HMGCLL1: variants seen among roughly 807,000 people sequenced by gnomAD.
The protein encoded by HMGCLL1 is 3-hydroxy-3-methylglutaryl-CoA lyase like 1, also known as 3-hydroxymethyl-3-methylglutaryl-CoA lyase, cytoplasmic.
A neutral mutation model predicts 39.1 loss-of-function variants in HMGCLL1; 36 were observed. That is an observed-to-expected ratio of 0.92 (90% CI 0.71 to 1.22). The LOEUF is 1.22. HMGCLL1 is among the 50% of genes most tolerant of loss of function. The probability of loss-of-function intolerance (pLI) is 0.00; values close to 1 mark genes in which losing one functional copy is unlikely to be tolerated. For synonymous variants in HMGCLL1, 149 were observed against 144.0 expected, an observed-to-expected ratio of 1.03 and a Z score of -0.25; for missense variants, 451 against 416.5, an observed-to-expected ratio of 1.08 and a Z score of -0.72.
the HMGCLL1 span, among the ~76,000 whole-genome samples, chr6:55,633,821 T>C: frequency 6.6e-6 from 1 of 151,996 alleles, no homozygotes; most frequent in Non-Finnish European, 1.5e-5. Flanking sequence ...AATACTTAAA[T>C]GATATGTTGC....
chr6:55,600,178 AAAAAGGCCTCC>A, the HMGCLL1 span, among the ~76,000 whole-genome samples: 2 of 152,126 alleles, frequency 1.3e-5, no homozygotes, highest in Non-Finnish European at 2.9e-5. Flanking sequence ...CACTTCTGAA[AAAAAGGCCTCC>A]AAAATTATTG....
At chr6:55,543,215 T>TTA (rs552337857) in intron 1 of HMGCLL1, among the ~76,000 whole-genome samples, 240 of 16,054 alleles carry the variant, frequency 0.015, 30 homozygotes, top group South Asian at 0.14. Flanking sequence ...ATATTATATA[T>TTA]TATATAATAT....
At chr6:55,631,943 C>T in the HMGCLL1 span, among the ~76,000 whole-genome samples, 36 of 152,054 alleles carry the variant, frequency 2.4e-4, no homozygotes, top group Admixed American at 2.3e-3. Flanking sequence ...TTCTATGGGC[C>T]TTACCTATTT....
chr6:55,497,100 T>C (rs1398380053), intron 6 of HMGCLL1, among the ~76,000 whole-genome samples: 2 of 152,120 alleles, frequency 1.3e-5, no homozygotes, highest in Non-Finnish European at 2.9e-5. Flanking sequence ...AATGTTACTT[T>C]CAAAGAGCAA....
At chr6:55,677,532 G>A in the HMGCLL1 span, among the ~76,000 whole-genome samples, 2 of 152,080 alleles carry the variant, frequency 1.3e-5, no homozygotes, top group Non-Finnish European at 2.9e-5. Context: ...ATACATATGG[G>A]TTAGTATTTT....
Position 55,578,932 on chromosome 6 carries a change from GGCCGCGAGGTGGTACCT to G in HMGCLL1, c.107_108+15del. ...TGCGCATGAGGGTGGGGACACCCTG[GGCCGCGAGGTGGTACCT>G]GCGCGGGGTCGAGCGCCCCTGCCAC... On this transcript the variant is annotated splice_donor_variant and splice_donor_5th_base_variant and coding_sequence_variant and intron_variant, in exon 1 of 9. Transcript: ENST00000274901. LOFTEE classifies it high-confidence loss of function. 1 of 1,593,058 alleles carries G rather than the reference GGCCGCGAGGTGGTACCT, an allele frequency of 6.3e-7. No individual in the cohort carries two copies. The highest frequency in any genetic ancestry group is 2.3e-5 in the East Asian group (1 of 43,800).
chr6:55,592,865 G>GTAC, the HMGCLL1 span, among the ~76,000 whole-genome samples: 3 of 152,094 alleles, frequency 2.0e-5, no homozygotes, highest in Non-Finnish European at 2.9e-5. Context: ...CACATGGCTA[G>GTAC]TAAGTAAGAG....
At chr6:55,668,280 T>G in the HMGCLL1 span, among the ~76,000 whole-genome samples, 1 of 151,952 alleles carries the variant, frequency 6.6e-6, no homozygotes, top group Non-Finnish European at 1.5e-5. Flanking sequence ...CAGCAGGATC[T>G]GTGACAGGGT....
In HMGCLL1 at chr6:55,529,938, C is replaced by T. The variant is rs1168427946; in HGVS notation, c.297+11791G>A. Among the ~76,000 whole-genome samples the T allele has an allele frequency of 3.9e-5, 6 of 151,926 alleles. No homozygotes were observed. In the South Asian group the frequency reaches 8.3e-4, roughly 21 times the overall value. The stretch of plus-strand genomic sequence containing the variant: ...AAGGCATAGAGAGATGAAACTACTT[C>T]GCCAAATCATATCATACATGAGTAA... On this transcript the variant is annotated intron_variant, in intron 3 of 8. Transcript: ENST00000274901.
At chr6:55,665,996 GAA>G in the HMGCLL1 span, among the ~76,000 whole-genome samples, 2 of 151,632 alleles carry the variant, frequency 1.3e-5, no homozygotes, top group African/African-American at 4.8e-5. Flanking sequence ...AACCATATGA[GAA>G]ACTATGGTTC....
At chr6:55,547,308 G>T (rs929525624) in intron 1 of HMGCLL1, among the ~76,000 whole-genome samples, 2 of 152,004 alleles carry the variant, frequency 1.3e-5, no homozygotes, top group Non-Finnish European at 2.9e-5. Flanking sequence ...TTTAGAGTGT[G>T]TGTGGGTGTA....
chr6:55,504,684 AAT>A (rs5876453), intron 5 of HMGCLL1, among the ~76,000 whole-genome samples: 101,844 of 151,032 alleles, frequency 0.67, 34,324 homozygotes, highest in Non-Finnish European at 0.7. Flanking sequence ...TATTTTTAAA[AAT>A]ATTTTTGATT....
At chr6:55,651,470 TC>T in the HMGCLL1 span, among the ~76,000 whole-genome samples, 1 of 152,130 alleles carries the variant, frequency 6.6e-6, no homozygotes, top group South Asian at 2.1e-4. Context: ...CAAGACAAAG[TC>T]CTCTTTATTC....
the HMGCLL1 span, among the ~76,000 whole-genome samples, chr6:55,656,742 G>T: frequency 6.6e-6 from 1 of 151,968 alleles, no homozygotes; most frequent in Non-Finnish European, 1.5e-5. Context: ...AAAGCAAGCA[G>T]TTTATCCATT....
chr6:55,451,046 C>G (rs1474869099), intron 7 of HMGCLL1, among the ~76,000 whole-genome samples: 3 of 152,062 alleles, frequency 2.0e-5, no homozygotes, highest in Admixed American at 6.6e-5. Context: ...CTCAGCCAGG[C>G]CCTGCTCTCA....
chr6:55,647,745 CTTTTT>C, the HMGCLL1 span, among the ~76,000 whole-genome samples: 2 of 115,858 alleles, frequency 1.7e-5, no homozygotes, highest in Non-Finnish European at 3.5e-5. Context: ...TTTTTTTTTC[CTTTTT>C]TTTTTTTTAT....
chr6:55,553,168 T>C (rs1394709327), intron 1 of HMGCLL1, among the ~76,000 whole-genome samples: 1 of 80,782 alleles, frequency 1.2e-5, no homozygotes, highest in Non-Finnish European at 2.5e-5. Flanking sequence ...TCTATATATA[T>C]ATATATACAT....
chr6:55,597,135 A>G, the HMGCLL1 span, among the ~76,000 whole-genome samples: 744 of 152,240 alleles, frequency 4.9e-3, 8 homozygotes, highest in African/African-American at 0.017. Flanking sequence ...GTTCCAGGAT[A>G]AATAATGTAA....
chr6:55,630,028 G>T, the HMGCLL1 span, among the ~76,000 whole-genome samples: 1 of 152,168 alleles, frequency 6.6e-6, no homozygotes, highest in Admixed American at 6.5e-5. Context: ...GTGGAGCTGT[G>T]AGAAGAAGGC....
Sources: gnomAD v4.1 joint callset for allele counts (sites outside exome capture counted in the v4.1 genomes callset) on GRCh38, gnomAD v4.1.1 for gene constraint, MANE v1.5 for transcripts, NCBI Gene and HGNC (gene_info 2026-07-23, HGNC 2026-07-21) for gene names.